TMTC1: variants seen among roughly 807,000 people sequenced by gnomAD.
TMTC1 encodes transmembrane O-mannosyltransferase targeting cadherins 1.
In TMTC1, 73 loss-of-function variants were observed where a neutral mutation model predicts 104.8. The ratio of observed to expected loss-of-function variants is 0.70; its 90% confidence interval spans 0.58 to 0.85. The LOEUF is 0.85. Ranked by LOEUF, TMTC1 falls within the 40% of genes least tolerant of loss-of-function variation. TMTC1 has a pLI of 0.00. For synonymous variants in TMTC1, 434 were observed against 428.7 expected (o/e 1.01, Z -0.15); for missense variants, 1,035 against 1,096.1 (o/e 0.94, Z 0.79).
intron 9 of TMTC1, among the ~76,000 whole-genome samples, chr12:29,560,115 C>T (rs1945341478): frequency 1.3e-5 from 2 of 152,160 alleles, no homozygotes; most frequent in African/African-American, 4.8e-5. Flanking sequence ...TAAGAGATGT[C>T]TCTGTTGCTA....
downstream of TMTC1, chr12:29,500,830 C>T (rs1386883695): frequency 1.3e-5 from 2 of 152,516 alleles, no homozygotes; most frequent in Non-Finnish European, 2.9e-5. Flanking sequence ...GAGATTGAAA[C>T]CAGACATACT....
rs35368951 is a variant in TMTC1 at position 29,635,192 on chromosome 12, C to CAA, written c.939-1858_939-1857dup. Among the ~76,000 whole-genome samples the CAA allele has an allele frequency of 5.6e-3, 798 of 142,044 alleles. 11 individuals carry two copies. The highest frequency in any genetic ancestry group is 0.019 in the African/African-American group (753 of 39,102). 93.2% of individuals were successfully genotyped at this position (142,044 alleles called of 152,430 possible). A position where few individuals can be genotyped will look rare whatever the true frequency, so the allele number is the denominator to read the frequency against. On this transcript the variant is annotated intron_variant, in intron 5 of 17. Coordinates refer to ENST00000539277, the MANE Select transcript of TMTC1 (RefSeq NM_001193451.2). Reference sequence around the variant, plus strand: ...GTTATTTAACAACAACAAAAAATGCCAAAAAAAAAAAAATGCCGTTTATCT... The same window carrying CAA: ...GTTATTTAACAACAACAAAAAATGCCAAAAAAAAAAAAAAATGCCGTTTATCT...
At chr12:29,659,550 A>G (rs1192618878) in intron 5 of TMTC1, among the ~76,000 whole-genome samples, 1 of 152,176 alleles carries the variant, frequency 6.6e-6, no homozygotes, top group Non-Finnish European at 1.5e-5. Context: ...TCTAATCTTA[A>G]CTTTCCAGCC....
At chr12:29,625,464 G>A (rs1041160240) in intron 6 of TMTC1, among the ~76,000 whole-genome samples, 4 of 152,228 alleles carry the variant, frequency 2.6e-5, no homozygotes, top group African/African-American at 9.6e-5. Flanking sequence ...TCTGAAAGAA[G>A]AAAACCTGGA....
chr12:29,547,133 C>T (rs1944964697), intron 10 of TMTC1, among the ~76,000 whole-genome samples: 3 of 152,132 alleles, frequency 2.0e-5, no homozygotes, highest in Admixed American at 2.0e-4. Flanking sequence ...GTTTAATTAT[C>T]CTCTGTTAGA....
intron 6 of TMTC1, among the ~76,000 whole-genome samples, chr12:29,621,013 T>C (rs367598674): frequency 8.5e-5 from 13 of 152,286 alleles, no homozygotes; most frequent in East Asian, 5.8e-4. Flanking sequence ...ATGGATGGGT[T>C]GTAAATGGGC....
At chr12:29,721,034 T>C (rs1341109660) in intron 5 of TMTC1, among the ~76,000 whole-genome samples, 1 of 152,064 alleles carries the variant, frequency 6.6e-6, no homozygotes, top group Non-Finnish European at 1.5e-5. Context: ...AAATCAGAAA[T>C]ACATCCCTAA....
At chr12:29,518,411 A>G (rs1944051912) in intron 13 of TMTC1, 61 bp downstream of exon 13, 1 of 1,572,660 alleles carries the variant, frequency 6.4e-7, no homozygotes, top group Non-Finnish European at 8.6e-7. Flanking sequence ...TTAACTAAGA[A>G]GCTGATGAGT....
intron 11 of TMTC1, chr12:29,535,873 C>G (rs972193660): frequency 7.8e-6 from 2 of 256,682 alleles, no homozygotes; most frequent in African/African-American, 4.7e-5. Context: ...GTTCAGCGAT[C>G]TTAGACCACT....
At chr12:29,554,359 G>GT (rs140045877) in intron 10 of TMTC1, among the ~76,000 whole-genome samples, 19,104 of 146,530 alleles carry the variant, frequency 0.13, 1,468 homozygotes, top group African/African-American at 0.22. Flanking sequence ...TTCCTTTCTT[G>GT]TTTTTTTTTT....
At chr12:29,754,785 C>G (rs1484475847) in intron 4 of TMTC1, among the ~76,000 whole-genome samples, 1 of 152,154 alleles carries the variant, frequency 6.6e-6, no homozygotes, top group Non-Finnish European at 1.5e-5. Context: ...CCAACTATCA[C>G]ACTTCCAGGC....
At chr12:29,538,490 C>T (rs1225454985) in intron 10 of TMTC1, among the ~76,000 whole-genome samples, 1 of 151,840 alleles carries the variant, frequency 6.6e-6, no homozygotes, top group Non-Finnish European at 1.5e-5. Flanking sequence ...AAAATTAAGT[C>T]CCTTGGGATA....
chr12:29,552,509 C>T (rs541095760), intron 10 of TMTC1, among the ~76,000 whole-genome samples: 14 of 152,116 alleles, frequency 9.2e-5, no homozygotes, highest in Admixed American at 2.0e-4. Context: ...CAGGCTGTAG[C>T]CCAGTTTTCA....
At chr12:29,643,982 T>G (rs1459004434) in intron 5 of TMTC1, among the ~76,000 whole-genome samples, 5 of 105,064 alleles carry the variant, frequency 4.8e-5, no homozygotes, top group African/African-American at 1.8e-4. Flanking sequence ...TAAATATATA[T>G]AAATATATAA....
Position 29,724,987 on chromosome 12 carries a change from G to A in TMTC1, c.938+26679C>T, listed in dbSNP as rs563161133. Reference sequence around the variant, plus strand: ...TACAAATGATAACCAAAAATTCAGCGTAGTTTAGCTATATATCTGCCAAGT... The same window carrying A: ...TACAAATGATAACCAAAAATTCAGCATAGTTTAGCTATATATCTGCCAAGT... On this transcript the variant is annotated intron_variant, in intron 5 of 17. Coordinates refer to ENST00000539277, the MANE Select transcript of TMTC1 (RefSeq NM_001193451.2). 4.9e-5 allele frequency among the ~76,000 whole-genome samples: 7 copies of A among 143,772 alleles called. No homozygotes were observed. The East Asian group carries it at 6.2e-4, about 13-fold the overall frequency. The allele number at this position is 143,772 out of a possible 152,430, so 94.3% of individuals were successfully genotyped here.
chr12:29,740,240 G>A (rs780621905), intron 5 of TMTC1, among the ~76,000 whole-genome samples: 1 of 152,192 alleles, frequency 6.6e-6, no homozygotes, highest in African/African-American at 2.4e-5. Context: ...GTGTCAACTT[G>A]ATTGGATTGA....
At chr12:29,605,413 G>C (rs1408737456) in intron 6 of TMTC1, among the ~76,000 whole-genome samples, 1 of 151,686 alleles carries the variant, frequency 6.6e-6, no homozygotes, top group Non-Finnish European at 1.5e-5. Context: ...ATTTCTGAGA[G>C]TGATTCCATA....
intron 10 of TMTC1, among the ~76,000 whole-genome samples, chr12:29,547,082 A>T (rs1326127789): frequency 6.6e-6 from 1 of 152,192 alleles, no homozygotes; most frequent in Non-Finnish European, 1.5e-5. Flanking sequence ...AGGACAAGGG[A>T]GACTACTGAA....
chr12:29,662,119 C>A (rs909065947), intron 5 of TMTC1, among the ~76,000 whole-genome samples: 4 of 152,166 alleles, frequency 2.6e-5, no homozygotes, highest in African/African-American at 9.7e-5. Flanking sequence ...AAAGTCAAAT[C>A]AAATAGCATA....
Sources: allele counts gnomAD v4.1 joint callset (sites outside exome capture counted in the v4.1 genomes callset), GRCh38; gene constraint gnomAD v4.1.1; transcripts MANE v1.5; gene names NCBI Gene and HGNC (gene_info 2026-07-23, HGNC 2026-07-21).